Variants in SPATA17 observed in about 807,000 individuals in gnomAD.
SPATA17 encodes the protein spermatogenesis associated 17.
Under a neutral mutation model 62.2 loss-of-function variants are expected in SPATA17, and 53 were observed. That is an observed-to-expected ratio of 0.85 (90% CI 0.68 to 1.07). The LOEUF (loss-of-function observed/expected upper bound fraction) is 1.07. Ranked by LOEUF, SPATA17 falls within the 50% of genes least tolerant of loss-of-function variation. The pLI, the probability that SPATA17 is intolerant of heterozygous loss-of-function variation, is 0.00. For synonymous variants in SPATA17, 146 were observed against 146.8 expected (o/e 0.99, Z 0.04); for missense variants, 466 against 425.5 (o/e 1.10, Z -0.84).
chr1:217,665,548 G>T (rs1475238492), intron 3 of SPATA17: 1 of 152,124 alleles, frequency 6.6e-6, no homozygotes, highest in Non-Finnish European at 1.5e-5. Flanking sequence ...AGGTAAAAAT[G>T]AAAGAATCAA....
rs905840174 is a variant in SPATA17, at chr1:217,649,923, A to C, written c.158+952A>C. 2.0e-5 allele frequency among the ~76,000 whole-genome samples: 3 copies of C among 150,880 alleles called. No individual in the cohort carries two copies. The Admixed American group carries it at 2.0e-4, about 10-fold the overall frequency. On this transcript the variant is annotated intron_variant, in intron 2 of 10. Transcript: ENST00000366933. ...ACATGCAAACTTAAAGTGTGAAGAC[A>C]AGGCTTCTCTCTTTTTTTTTTTTTT...
At chr1:217,699,988 T>G (rs1406573264) in intron 5 of SPATA17, among the ~76,000 whole-genome samples, 1 of 152,188 alleles carries the variant, frequency 6.6e-6, no homozygotes, top group Non-Finnish European at 1.5e-5. Flanking sequence ...TGTGGGTCTA[T>G]TTTTGGACTT....
At chr1:217,808,820 A>C (rs962110510) in intron 9 of SPATA17, among the ~76,000 whole-genome samples, 2 of 150,816 alleles carry the variant, frequency 1.3e-5, no homozygotes, top group East Asian at 2.0e-4. Flanking sequence ...GCGCCACTGC[A>C]CTCCAGTCTG....
intron 3 of SPATA17, among the ~76,000 whole-genome samples, chr1:217,653,202 G>A (rs1238686441): frequency 6.6e-6 from 1 of 152,154 alleles, no homozygotes; most frequent in African/African-American, 2.4e-5. Context: ...AGTGACTCAG[G>A]AAACCTCTTA....
At chr1:217,787,097 C>G (rs1048227822) in intron 8 of SPATA17, among the ~76,000 whole-genome samples, 3 of 152,020 alleles carry the variant, frequency 2.0e-5, no homozygotes, top group African/African-American at 7.2e-5. Context: ...TATGAGTCCT[C>G]AAGTCCTGTT....
intron 1 of SPATA17, among the ~76,000 whole-genome samples, chr1:217,640,052 T>G (rs1032325340): frequency 6.7e-6 from 1 of 149,526 alleles, no homozygotes; most frequent in African/African-American, 2.4e-5. Flanking sequence ...ATTATATTTA[T>G]TTATAATATT....
intron 5 of SPATA17, among the ~76,000 whole-genome samples, chr1:217,717,217 T>C (rs1042717750): frequency 6.6e-6 from 1 of 152,204 alleles, no homozygotes; most frequent in Non-Finnish European, 1.5e-5. Context: ...TGTTACCATG[T>C]GACTTAGTCA....
Position 217,807,684 on chromosome 1 carries a change from A to G in SPATA17, c.1005+5834A>G, listed in dbSNP as rs552305175. Among the ~76,000 whole-genome samples the G allele has an allele frequency of 2.0e-5, 3 of 152,292 alleles. No individual in the cohort carries two copies. In the South Asian group the frequency reaches 6.2e-4, roughly 32 times the overall value. On this transcript the variant is annotated intron_variant, in intron 9 of 10. Coordinates refer to ENST00000366933, the MANE Select transcript of SPATA17 (RefSeq NM_138796.4). The stretch of plus-strand genomic sequence containing the variant: ...ATTCAATAAGGGCTTCAGAATTAAG[A>G]ACATTAGTCAAAAAACATGATATAT...
chr1:217,651,109 G>T lies in SPATA17; in HGVS notation c.171G>T (p.Arg57Ser). The change falls in exon 3 of 11, where the codon AGG becomes AGT. Residue 57 changes from arginine (R) to serine (S), a missense_variant. Arg to Ser is a moderately radical substitution (Grantham distance 110, BLOSUM62 -1). Coordinates refer to ENST00000366933, the MANE Select transcript of SPATA17 (RefSeq NM_138796.4). ...TTTTTTATCCTAGGCATTTAAACAG[G>T]ATTGTAACAATTATTCAAAAATGGT... ...QVRAYIRHLN[R>S]IVTIIQKWWR... 6.2e-7 allele frequency: 1 copy of T among 1,608,074 alleles called. No individual in the cohort carries two copies. The highest frequency in any genetic ancestry group is 1.3e-5 in the African/African-American group (1 of 74,770).
At chr1:217,824,959 A>G (rs986322235) in intron 9 of SPATA17, among the ~76,000 whole-genome samples, 2 of 150,968 alleles carry the variant, frequency 1.3e-5, no homozygotes, top group Non-Finnish European at 3.0e-5. Flanking sequence ...ATATGTATAA[A>G]ATACACATAC....
intron 9 of SPATA17, among the ~76,000 whole-genome samples, chr1:217,805,275 G>A (rs1674404270): frequency 6.6e-6 from 1 of 152,090 alleles, no homozygotes; most frequent in Non-Finnish European, 1.5e-5. Flanking sequence ...GAAATGTTAG[G>A]CACAGAAATA....
chr1:217,774,636 T>A, intron 7 of SPATA17, 99 bp downstream of exon 7: 1 of 963,730 alleles, frequency 1.0e-6, no homozygotes, highest in Non-Finnish European at 1.5e-6. Flanking sequence ...TTTTTAATTA[T>A]ATAGTTTAGT....
chr1:217,719,052 A>C (rs1672067354), intron 5 of SPATA17, among the ~76,000 whole-genome samples: 1 of 152,220 alleles, frequency 6.6e-6, no homozygotes. Flanking sequence ...CAACTTGGCC[A>C]GCTGTGACCT....
At chr1:217,819,113 A>C (rs1451274832) in intron 9 of SPATA17, among the ~76,000 whole-genome samples, 1 of 151,538 alleles carries the variant, frequency 6.6e-6, no homozygotes, top group Non-Finnish European at 1.5e-5. Context: ...ATTTAATTCA[A>C]TTTGAAATGT....
At chr1:217,734,240 T>G (rs1450915872) in intron 5 of SPATA17, among the ~76,000 whole-genome samples, 1 of 152,270 alleles carries the variant, frequency 6.6e-6, no homozygotes, top group Non-Finnish European at 1.5e-5. Flanking sequence ...CTTATTTGGT[T>G]AAATTAATGT....
In SPATA17 at chr1:217,634,896, TTTTG is replaced by T. The variant is rs751008456; in HGVS notation, c.68+3453_68+3456del. On this transcript the variant is annotated intron_variant, in intron 1 of 10. Coordinates refer to ENST00000366933, the MANE Select transcript of SPATA17 (RefSeq NM_138796.4). ...TTGTCACTTGACAGAGTATTGGCCT[TTTTG>T]TTGTTGTTGTTGTTGTTGTTGTTGT... Among the ~76,000 whole-genome samples, 594 of 106,600 alleles carry T rather than the reference TTTTG, an allele frequency of 5.6e-3. 8 individuals carry two copies. The highest frequency in any genetic ancestry group is 3.9e-3 in the Non-Finnish European group (185 of 47,788). 69.9% of individuals were successfully genotyped at this position (106,600 alleles called of 152,430 possible).
At position 217,829,700 on chromosome 1, in the gene SPATA17, G is replaced by A. The variant is rs192762414; in HGVS notation, c.1005+27850G>A. Among the ~76,000 whole-genome samples, 166 of 140,464 alleles carry A rather than the reference G, an allele frequency of 1.2e-3. 2 individuals carry two copies. Among genetic ancestry groups the A allele is most frequent in the Middle Eastern group, 8.1e-3 (2 of 246 alleles). 92.1% of individuals were successfully genotyped at this position (140,464 alleles called of 152,430 possible). ...GTGAAAAAAAGATATATTTTAAAAC[G>A]AGCTCAAATACACATAGAGCATGAA... On this transcript the variant is annotated intron_variant, in intron 9 of 10. Transcript: ENST00000366933.
chr1:217,652,300 C>T (rs145312375), intron 3 of SPATA17, among the ~76,000 whole-genome samples: 4,902 of 152,210 alleles, frequency 0.032, 116 homozygotes, highest in Middle Eastern at 0.095. Context: ...GGCACGATTT[C>T]GTCTCACCGC....
At chr1:217,666,927 C>A (rs1670709085) in intron 3 of SPATA17, among the ~76,000 whole-genome samples, 2 of 151,872 alleles carry the variant, frequency 1.3e-5, no homozygotes, top group Admixed American at 6.6e-5. Flanking sequence ...AATCAAAGTG[C>A]TTTCTCACCT....
Sources: gnomAD v4.1 joint callset for allele counts (sites outside exome capture counted in the v4.1 genomes callset) on GRCh38, gnomAD v4.1.1 for gene constraint, MANE v1.5 for transcripts, NCBI Gene and HGNC (gene_info 2026-07-23, HGNC 2026-07-21) for gene names.